The following FBXO15 variants were observed in gnomAD, a reference collection of about 807,000 sequenced individuals.
FBXO15 encodes F-box protein 15.
A neutral mutation model predicts 49.5 loss-of-function variants in FBXO15; 30 were observed. That is an observed-to-expected ratio of 0.61 (90% CI 0.45 to 0.82). The LOEUF (loss-of-function observed/expected upper bound fraction) is 0.82. Among genes scored for constraint, FBXO15 ranks in the 40% least tolerant of loss-of-function variants. The pLI, the probability that FBXO15 is intolerant of heterozygous loss-of-function variation, is 0.00. For synonymous variants in FBXO15, 250 were observed against 232.7 expected, an observed-to-expected ratio of 1.07 and a Z score of -0.68; for missense variants, 591 against 631.5, an observed-to-expected ratio of 0.94 and a Z score of 0.69.
chr18:74,107,533 A>G (rs1272573093), intron 8 of FBXO15, among the ~76,000 whole-genome samples: 1 of 152,176 alleles, frequency 6.6e-6, no homozygotes, highest in African/African-American at 2.4e-5. Context: ...GGAGAGACAG[A>G]CAGGAGAATA....
intron 9 of FBXO15, among the ~76,000 whole-genome samples, chr18:74,081,403 C>T (rs753786154): frequency 6.6e-5 from 10 of 152,312 alleles, no homozygotes; most frequent in Middle Eastern, 3.4e-3. Flanking sequence ...TCCTCTTCCT[C>T]CTCCTCCCTC....
At position 74,135,831 on chromosome 18, in the gene FBXO15, T is replaced by A. The variant is rs751848723; in HGVS notation, c.263A>T (p.Tyr88Phe). 5 of 1,611,162 alleles carry A rather than the reference T, an allele frequency of 3.1e-6. No homozygotes were observed. In the Admixed American group the frequency reaches 8.4e-5, roughly 27 times the overall value. Reference sequence around the variant, plus strand: ...ACACAGAAGGCTCACAGCATCCAAGTAGGAAAATATCTTCAGCAAGATTTC... The same window carrying A: ...ACACAGAAGGCTCACAGCATCCAAGAAGGAAAATATCTTCAGCAAGATTTC... ...PSEILLKIFS[Y>F]LDAVSLLCTG... is the part of the protein sequence containing the mutation. Residue 88 changes from tyrosine (Y) to phenylalanine (F), a missense_variant, in exon 3 of 10, where the codon TAC becomes TTC. Physicochemically the swap from Tyr to Phe is conservative, Grantham distance 22 (BLOSUM62 3). Transcript: ENST00000419743.
At chr18:74,145,953 G>A (rs1283442901) in intron 1 of FBXO15, among the ~76,000 whole-genome samples, 5 of 152,124 alleles carry the variant, frequency 3.3e-5, no homozygotes, top group Non-Finnish European at 5.9e-5. Context: ...TTCTATTTAT[G>A]TTTTTATGCG....
intron 8 of FBXO15, chr18:74,098,769 C>G (rs1004691915): frequency 1.3e-5 from 2 of 152,168 alleles, no homozygotes; most frequent in Non-Finnish European, 2.9e-5. Context: ...ACAAAGAACA[C>G]CTGGGAGATT....
intron 7 of FBXO15, among the ~76,000 whole-genome samples, chr18:74,124,247 C>T (rs115591658): frequency 1.5e-3 from 224 of 152,292 alleles, no homozygotes; most frequent in African/African-American, 5.0e-3. Context: ...ATCAAGCTAT[C>T]CTACCCATAC....
At chr18:74,088,300 T>A (rs1912838684) in intron 8 of FBXO15, among the ~76,000 whole-genome samples, 1 of 152,206 alleles carries the variant, frequency 6.6e-6, no homozygotes, top group Non-Finnish European at 1.5e-5. Flanking sequence ...GAATGGTATT[T>A]ATTAGGCTAT....
intron 8 of FBXO15, among the ~76,000 whole-genome samples, chr18:74,110,976 C>A (rs1251481092): frequency 6.6e-6 from 1 of 152,126 alleles, no homozygotes; most frequent in Non-Finnish European, 1.5e-5. Flanking sequence ...GACATCAACA[C>A]CTCTCTATCA....
chr18:74,140,992 T>C (rs1011497298), intron 1 of FBXO15, among the ~76,000 whole-genome samples: 10 of 152,226 alleles, frequency 6.6e-5, no homozygotes, highest in African/African-American at 2.4e-4. Flanking sequence ...ATAGACAAAC[T>C]ACCAAATACT....
Position 74,130,635 on chromosome 18 carries a change from G to A in FBXO15, c.356C>T (p.Ser119Leu), listed in dbSNP as rs1377831337. 6.2e-7 allele frequency: 1 copy of A among 1,613,552 alleles called. No homozygotes were observed. Among genetic ancestry groups the A allele is most frequent in the Non-Finnish European group, 8.5e-7 (1 of 1,179,818 alleles). ...NDNFIWIGIY[S>L]TAFSPARSNW... Reference sequence around the variant, plus strand: ...TGATCTTGCAGGTGAAAAAGCAGTTGAGTAGATTCCGATCCAAATAAAACT... The same window carrying A: ...TGATCTTGCAGGTGAAAAAGCAGTTAAGTAGATTCCGATCCAAATAAAACT... The change falls in exon 4 of 10, where the codon TCA becomes TTA. Residue 119 changes from serine (S) to leucine (L), a missense_variant. Coordinates refer to ENST00000419743, the MANE Select transcript of FBXO15 (RefSeq NM_001142958.2).
intron 8 of FBXO15, among the ~76,000 whole-genome samples, chr18:74,092,539 G>T (rs1430455005): frequency 6.6e-6 from 1 of 152,078 alleles, no homozygotes; most frequent in African/African-American, 2.4e-5. Context: ...GCTGTCCTTT[G>T]GATAGCTGTA....
intron 8 of FBXO15, among the ~76,000 whole-genome samples, chr18:74,116,090 C>CA (rs1306714911): frequency 2.0e-5 from 3 of 151,400 alleles, no homozygotes; most frequent in Non-Finnish European, 4.4e-5. Flanking sequence ...GTTTAATTAC[C>CA]AAAAAAAAGG....
intron 8 of FBXO15, among the ~76,000 whole-genome samples, chr18:74,088,418 A>T (rs1303776597): frequency 6.6e-6 from 1 of 152,192 alleles, no homozygotes; most frequent in East Asian, 1.9e-4. Context: ...TCATCTGCAT[A>T]TGGCTAGCCA....
chr18:74,108,433 G>C (rs1205847597), intron 8 of FBXO15, among the ~76,000 whole-genome samples: 1 of 151,636 alleles, frequency 6.6e-6, no homozygotes, highest in Non-Finnish European at 1.5e-5. Flanking sequence ...GGGCTTATTA[G>C]TAGGCTAGAG....
chr18:74,105,075 T>G (rs1172331988), intron 8 of FBXO15, among the ~76,000 whole-genome samples: 1 of 152,092 alleles, frequency 6.6e-6, no homozygotes, highest in Non-Finnish European at 1.5e-5. Flanking sequence ...GGAAAACAAA[T>G]ATTGCACGTT....
intron 8 of FBXO15, among the ~76,000 whole-genome samples, chr18:74,102,270 C>T (rs1289056605): frequency 2.0e-5 from 3 of 151,874 alleles, no homozygotes; most frequent in Non-Finnish European, 4.4e-5. Context: ...AAGAAAAAAA[C>T]AATCCCATCA....
At position 74,145,594 on chromosome 18, in the gene FBXO15, C is replaced by CTTTTTTTTT. The variant is rs760823560; in HGVS notation, c.116+2067_116+2075dup. 3.2e-3 allele frequency among the ~76,000 whole-genome samples: 310 copies of CTTTTTTTTT among 96,346 alleles called. 32 individuals carry two copies. The highest frequency in any genetic ancestry group is 0.012 in the African/African-American group (247 of 20,268). 63.2% of individuals were successfully genotyped at this position (96,346 alleles called of 152,430 possible). Reference sequence around the variant, plus strand: ...TTATCCATAAAATAAACCAACTGCACTTTTTTTTTTTTTTTTTTTTTGCGA... The same window carrying CTTTTTTTTT: ...TTATCCATAAAATAAACCAACTGCACTTTTTTTTTTTTTTTTTTTTTTTTTTTTTTGCGA... On this transcript the variant is annotated intron_variant, in intron 1 of 9. Coordinates refer to ENST00000419743, the MANE Select transcript of FBXO15 (RefSeq NM_001142958.2).
chr18:74,080,440 G>A (rs1464202770), intron 9 of FBXO15, among the ~76,000 whole-genome samples: 1 of 152,174 alleles, frequency 6.6e-6, no homozygotes, highest in Non-Finnish European at 1.5e-5. Flanking sequence ...GGAATTTATG[G>A]GGAAAACTGT....
At chr18:74,144,579 C>T (rs1413317602) in intron 1 of FBXO15, among the ~76,000 whole-genome samples, 1 of 152,082 alleles carries the variant, frequency 6.6e-6, no homozygotes, top group Non-Finnish European at 1.5e-5. Context: ...GTACAGTCTG[C>T]AGCAAACTCA....
intron 8 of FBXO15, among the ~76,000 whole-genome samples, chr18:74,111,790 T>C (rs1914042609): frequency 6.6e-6 from 1 of 152,064 alleles, no homozygotes; most frequent in Non-Finnish European, 1.5e-5. Flanking sequence ...AATAAGCATC[T>C]AGCAAGGTAA....
Sources: gnomAD v4.1 joint callset for allele counts (sites outside exome capture counted in the v4.1 genomes callset) on GRCh38, gnomAD v4.1.1 for gene constraint, MANE v1.5 for transcripts, NCBI Gene and HGNC (gene_info 2026-07-23, HGNC 2026-07-21) for gene names.